Variants in TOR1AIP2 observed in about 807,000 individuals in gnomAD.
TOR1AIP2 encodes torsin 1A interacting protein 2, also known as torsin-1A-interacting protein 2.
A neutral mutation model predicts 32.6 loss-of-function variants in TOR1AIP2; 20 were observed. The observed-to-expected ratio is 0.61, with a 90% confidence interval of 0.43 to 0.89. The LOEUF (loss-of-function observed/expected upper bound fraction) is 0.89, where lower values mean the gene tolerates loss of function less well. TOR1AIP2 is among the 40% of genes least tolerant of loss of function. TOR1AIP2 has a pLI of 0.00. For missense variants in TOR1AIP2, 456 were observed against 553.8 expected (o/e 0.82, Z 1.77); for synonymous variants, 214 against 210.8 (o/e 1.02, Z -0.13).
At chr1:179,869,905 C>T (rs1265726970) in intron 2 of TOR1AIP2, among the ~76,000 whole-genome samples, 1 of 152,190 alleles carries the variant, frequency 6.6e-6, no homozygotes, top group Non-Finnish European at 1.5e-5. Flanking sequence ...TAGTAGCTAA[C>T]ACTTATGGAG....
rs1696167070 is a variant in TOR1AIP2, at chr1:179,852,813, TAAAAC to T, written c.-146-7_-146-3del. 1 of 1,412,190 alleles carries T rather than the reference TAAAAC, an allele frequency of 7.1e-7. No homozygotes were observed. The highest frequency in any genetic ancestry group is 1.4e-5 in the African/African-American group (1 of 69,244). 87.5% of individuals were successfully genotyped at this position (1,412,190 alleles called of 1,614,324 possible). On this transcript the variant is annotated splice_region_variant and splice_polypyrimidine_tract_variant and intron_variant, in intron 3 of 6. Coordinates refer to ENST00000609928, the MANE Select transcript of TOR1AIP2 (RefSeq NM_001199260.2). ...GGAAATAAGGCATATATACAGTGAC[TAAAAC>T]AAAATGAAAAAAAATTAAATGACTT... is the stretch of plus-strand genomic sequence containing the variant.
rs565490326 is a variant in TOR1AIP2, at chr1:179,859,364, C to T, written c.-147+6072G>A. ...AAGTTAAGAACGTTACCCAAGAACACGTGACTACTGAGGGCAGTTAGGATT... is the reference window on the plus strand; with the variant it reads ...AAGTTAAGAACGTTACCCAAGAACATGTGACTACTGAGGGCAGTTAGGATT... On this transcript the variant is annotated intron_variant, in intron 3 of 6. Transcript: ENST00000609928. 8 of 966,356 alleles carry T rather than the reference C, an allele frequency of 8.3e-6. No homozygotes were observed. In the South Asian group the frequency reaches 3.3e-4, roughly 40 times the overall value. 59.9% of individuals were successfully genotyped at this position (966,356 alleles called of 1,614,324 possible).
Position 179,842,377 on chromosome 1 carries a change from A to C in TOR1AIP2, c.*3694T>G, listed in dbSNP as rs1253278856. 1 of 152,224 alleles carries C rather than the reference A, an allele frequency of 6.6e-6. No individual in the cohort carries two copies. Among genetic ancestry groups the C allele is most frequent in the African/African-American group, 2.4e-5 (1 of 41,454 alleles). 9.4% of individuals were successfully genotyped at this position (152,224 alleles called of 1,614,324 possible). On this transcript the variant is annotated 3_prime_UTR_variant, in exon 7 of 7. Coordinates refer to ENST00000609928, the MANE Select transcript of TOR1AIP2 (RefSeq NM_001199260.2). ...AAATGTCTTTATTGATTGCTTTTTA[A>C]AATAGAAATATGAAACAAATTAGCA... is the stretch of plus-strand genomic sequence containing the variant.
intron 2 of TOR1AIP2, chr1:179,868,180 G>C (rs1696863675): frequency 6.6e-6 from 1 of 152,108 alleles, no homozygotes; most frequent in Non-Finnish European, 1.5e-5. Flanking sequence ...AGGACTTCTT[G>C]GTTATATCCC....
Position 179,852,734 on chromosome 1 carries a change from T to C in TOR1AIP2, c.-69A>G. The stretch of plus-strand genomic sequence containing the variant: ...GTACTTGGTTTTCCTTGTGAAGATG[T>C]CTTGTTTTCTTCTTGTCCCAAGTCC... On this transcript the variant is annotated 5_prime_UTR_variant, in exon 4 of 7. Coordinates refer to ENST00000609928, the MANE Select transcript of TOR1AIP2 (RefSeq NM_001199260.2). 1 of 1,609,512 alleles carries C rather than the reference T, an allele frequency of 6.2e-7. No homozygotes were observed. Among genetic ancestry groups the C allele is most frequent in the Non-Finnish European group, 8.5e-7 (1 of 1,177,354 alleles).
chr1:179,854,709 A>G (rs1250666999), intron 3 of TOR1AIP2, among the ~76,000 whole-genome samples: 2 of 152,084 alleles, frequency 1.3e-5, no homozygotes, highest in African/African-American at 4.8e-5. Context: ...CATCTCTACT[A>G]AAAATACAAA....
chr1:179,864,111 T>A, intron 3 of TOR1AIP2: 1 of 985,428 alleles, frequency 1.0e-6, no homozygotes, highest in Non-Finnish European at 1.2e-6. Flanking sequence ...TATGGACAGG[T>A]GGCATTTCTG....
chr1:179,850,031 G>C (rs1696056569), intron 5 of TOR1AIP2, among the ~76,000 whole-genome samples: 1 of 152,152 alleles, frequency 6.6e-6, no homozygotes, highest in Non-Finnish European at 1.5e-5. Flanking sequence ...ATATTCTTTT[G>C]CACTGGCAAA....
chr1:179,864,201 C>T (rs1696673672), intron 3 of TOR1AIP2: 5 of 985,426 alleles, frequency 5.1e-6, no homozygotes, highest in Non-Finnish European at 6.0e-6. Context: ...AATAATCTCA[C>T]AGCCACACTG....
chr1:179,843,217 T>G lies in TOR1AIP2; in HGVS notation c.*2854A>C, dbSNP rs1695781711. The G allele has an allele frequency of 6.6e-6, 1 of 151,838 alleles. No homozygotes were observed. Among genetic ancestry groups the G allele is most frequent in the Non-Finnish European group, 1.5e-5 (1 of 67,964 alleles). 9.4% of individuals were successfully genotyped at this position (151,838 alleles called of 1,614,324 possible). Reference sequence around the variant, plus strand: ...AATATACTGCTTCTTTTAAAAATGATTTTTGAGGCCAGGTGCAGTGGCTCG... The same window carrying G: ...AATATACTGCTTCTTTTAAAAATGAGTTTTGAGGCCAGGTGCAGTGGCTCG... On this transcript the variant is annotated 3_prime_UTR_variant, in exon 7 of 7. Coordinates refer to ENST00000609928, the MANE Select transcript of TOR1AIP2 (RefSeq NM_001199260.2).
rs1695809225 is a variant in TOR1AIP2 at position 179,843,915 on chromosome 1, T to C, written c.*2156A>G. 1.3e-5 allele frequency: 2 copies of C among 152,124 alleles called. No individual in the cohort carries two copies. Among genetic ancestry groups the C allele is most frequent in the Admixed American group, 1.3e-4 (2 of 15,262 alleles). 9.4% of individuals were successfully genotyped at this position (152,124 alleles called of 1,614,324 possible). On this transcript the variant is annotated 3_prime_UTR_variant, in exon 7 of 7. Coordinates refer to ENST00000609928, the MANE Select transcript of TOR1AIP2 (RefSeq NM_001199260.2). Reference sequence around the variant, plus strand: ...GCACTATACATGGAAGGGAAAATGTTTTTAAAAAGGCTAAATTAAAAATTA... The same window carrying C: ...GCACTATACATGGAAGGGAAAATGTCTTTAAAAAGGCTAAATTAAAAATTA...
chr1:179,869,239 G>A (rs1025752551), intron 2 of TOR1AIP2: 5 of 151,940 alleles, frequency 3.3e-5, no homozygotes, highest in African/African-American at 1.2e-4. Flanking sequence ...GCCTCCCAAA[G>A]TGCTGGGATT....
At position 179,846,672 on chromosome 1, in the gene TOR1AIP2, G is replaced by C; in HGVS notation, c.812C>G (p.Ser271Cys). ...CTTCCGTCCTCTCTGCCACAGGAAG[G>C]AACTCTGGCCTGGAAATTTATCTTC... ...QLEDKFPGQS[S>C]FLWQRGRKFL... Residue 271 changes from serine to cysteine, a missense_variant, in exon 7 of 7, where the codon TCC becomes TGC. Transcript: ENST00000609928. 1 of 1,614,160 alleles carries C rather than the reference G, an allele frequency of 6.2e-7. No homozygotes were observed. Among genetic ancestry groups the C allele is most frequent in the Non-Finnish European group, 8.5e-7 (1 of 1,180,032 alleles).
rs1373001273 is a variant in TOR1AIP2, at chr1:179,846,612, G to A, written c.872C>T (p.Thr291Ile). The A allele has an allele frequency of 1.2e-6, 2 of 1,614,036 alleles. No homozygotes were observed. The highest frequency in any genetic ancestry group is 1.7e-6 in the Non-Finnish European group (2 of 1,180,014). Reference protein sequence around the residue: ...LQKHLNASNPTEPATIIFTAA... With the variant: ...LQKHLNASNPIEPATIIFTAA... Reference sequence around the variant, plus strand: ...TGTAAATATGATGGTGGCTGGCTCAGTGGGGTTGGAAGCATTGAGGTGCTT... The same window carrying A: ...TGTAAATATGATGGTGGCTGGCTCAATGGGGTTGGAAGCATTGAGGTGCTT... The change falls in exon 7 of 7, where the codon ACT (threonine) becomes ATT (isoleucine). Residue 291 changes from threonine to isoleucine, a missense_variant. Transcript: ENST00000609928.
intron 3 of TOR1AIP2, chr1:179,861,306 T>A (rs1696521081): frequency 4.1e-6 from 4 of 985,068 alleles, no homozygotes; most frequent in Non-Finnish European, 3.6e-6. Context: ...CTATGGAGTA[T>A]TCTAGAATAA....
rs1435254163 is a variant in TOR1AIP2 at position 179,846,808 on chromosome 1, GGAC to G, written c.673_675del (p.Val225del). The G allele has an allele frequency of 2.5e-6, 4 of 1,601,634 alleles. No individual in the cohort carries two copies. In the African/African-American group the frequency reaches 4.0e-5, roughly 16 times the overall value. On this transcript the variant is annotated inframe_deletion, in exon 7 of 7. Transcript: ENST00000609928. ...GAACTTGCCACAACAGCCACAACCA[GGAC>G]GACAAGAATCACAGGGCCTGTCAAA...
chr1:179,867,677 T>C (rs1160241799), intron 2 of TOR1AIP2: 1 of 152,172 alleles, frequency 6.6e-6, no homozygotes, highest in East Asian at 1.9e-4. Flanking sequence ...CCACATACTA[T>C]AGCAAAAACC....
At chr1:179,868,675 T>C (rs1205096393) in intron 2 of TOR1AIP2, 1 of 152,082 alleles carries the variant, frequency 6.6e-6, no homozygotes, top group African/African-American at 2.4e-5. Context: ...AATTAAGGTA[T>C]TGCTGTACAA....
chr1:179,845,457 C>G lies in TOR1AIP2; in HGVS notation c.*614G>C, dbSNP rs1031908295. 1 of 152,138 alleles carries G rather than the reference C, an allele frequency of 6.6e-6. No individual in the cohort carries two copies. Among genetic ancestry groups the G allele is most frequent in the Non-Finnish European group, 1.5e-5 (1 of 68,020 alleles). The allele number at this position is 152,138 out of a possible 1,614,324, so 9.4% of individuals were successfully genotyped here. On this transcript the variant is annotated 3_prime_UTR_variant, in exon 7 of 7. Transcript: ENST00000609928. The stretch of plus-strand genomic sequence containing the variant: ...TTGAGTACAGCTGCTTATACCTCAG[C>G]TGAATGAAATAAAAGCACAGTGCCT...
Sources: allele counts gnomAD v4.1 joint callset (sites outside exome capture counted in the v4.1 genomes callset), GRCh38; gene constraint gnomAD v4.1.1; transcripts MANE v1.5; gene names NCBI Gene and HGNC (gene_info 2026-07-23, HGNC 2026-07-21).